Variants in NRG3 observed in about 807,000 individuals in gnomAD.
The protein encoded by NRG3 is pro-neuregulin-3, membrane-bound isoform.
Under a neutral mutation model 66.9 loss-of-function variants are expected in NRG3, and 31 were observed. The ratio of observed to expected loss-of-function variants is 0.46; its 90% CI spans 0.35 to 0.63. The LOEUF is 0.63. Ranked by LOEUF, NRG3 falls within the 20% of genes least tolerant of loss-of-function variation. The pLI is 0.00. For synonymous variants in NRG3, 393 were observed against 359.4 expected, an observed-to-expected ratio of 1.09 and a Z score of -1.06; for missense variants, 910 against 878.9, an observed-to-expected ratio of 1.04 and a Z score of -0.45.
At chr10:82,018,362 G>T (rs1003103436) in intron 1 of NRG3, among the ~76,000 whole-genome samples, 3 of 152,156 alleles carry the variant, frequency 2.0e-5, no homozygotes, top group African/African-American at 7.2e-5. Context: ...TTGAAGTCAG[G>T]TAGTGTGATG....
intron 2 of NRG3, among the ~76,000 whole-genome samples, chr10:82,481,161 T>C (rs1842234810): frequency 1.3e-5 from 2 of 152,234 alleles, no homozygotes; most frequent in South Asian, 4.1e-4. Context: ...CCAATTGGTG[T>C]CCTTACTATT....
rs1275750707 is a variant in NRG3 at position 82,534,265 on chromosome 10, TTG to T, written c.953+175399_953+175400del. On this transcript the variant is annotated intron_variant, in intron 2 of 8. Coordinates refer to ENST00000372141, the MANE Select transcript of NRG3 (RefSeq NM_001010848.4). The stretch of plus-strand genomic sequence containing the variant: ...TCTACCAGTAATAGAAAAATCCATT[TTG>T]TTTTTTTTTTTTGAGACAGAGTATC... Among the ~76,000 whole-genome samples, 165 of 151,658 alleles carry T rather than the reference TTG, an allele frequency of 1.1e-3. 1 individual carries two copies. The highest frequency in any genetic ancestry group is 3.6e-3 in the African/African-American group (151 of 41,398).
At chr10:82,623,297 C>T (rs988729495) in intron 2 of NRG3, among the ~76,000 whole-genome samples, 1 of 152,094 alleles carries the variant, frequency 6.6e-6, no homozygotes, top group African/African-American at 2.4e-5. Flanking sequence ...GGTCTCTGAG[C>T]CCCAGCCTGC....
chr10:82,687,960 C>T (rs956047061), intron 2 of NRG3, among the ~76,000 whole-genome samples: 3 of 152,190 alleles, frequency 2.0e-5, no homozygotes, highest in African/African-American at 7.2e-5. Flanking sequence ...GTTTCCTAAA[C>T]TAATCTTCAG....
intron 1 of NRG3, among the ~76,000 whole-genome samples, chr10:82,353,105 A>G (rs1189716612): frequency 1.3e-5 from 2 of 152,158 alleles, no homozygotes; most frequent in East Asian, 3.9e-4. Context: ...TCTGGCCTGG[A>G]CAATGGGATC....
At chr10:82,303,586 T>G (rs1423586039) in intron 1 of NRG3, among the ~76,000 whole-genome samples, 1 of 152,150 alleles carries the variant, frequency 6.6e-6, no homozygotes, top group Non-Finnish European at 1.5e-5. Flanking sequence ...GCTGGGTAAA[T>G]GTGCTGGGCA....
At chr10:82,018,767 A>ACT (rs779854776) in intron 1 of NRG3, among the ~76,000 whole-genome samples, 10,406 of 152,004 alleles carry the variant, frequency 0.068, 460 homozygotes, top group Non-Finnish European at 0.1. Flanking sequence ...AATGCTTGTG[A>ACT]TTTTTGCACA....
intron 2 of NRG3, among the ~76,000 whole-genome samples, chr10:82,476,542 G>A (rs1026650982): frequency 5.3e-5 from 8 of 152,096 alleles, no homozygotes; most frequent in East Asian, 1.9e-4. Context: ...AAGAAAATTC[G>A]AACACATGCT....
chr10:82,389,534 C>T (rs1317008), intron 2 of NRG3, among the ~76,000 whole-genome samples: 61,656 of 152,004 alleles, frequency 0.41, 15,302 homozygotes, highest in African/African-American at 0.7. Flanking sequence ...ATATTTTCAA[C>T]GGCCAGCTAG....
At chr10:82,980,212 A>G (rs373688260) in intron 8 of NRG3, among the ~76,000 whole-genome samples, 16 of 38,824 alleles carry the variant, frequency 4.1e-4, no homozygotes, top group African/African-American at 1.4e-3. Flanking sequence ...CTCAAAAAAG[A>G]AAAAAAAAAA....
intron 2 of NRG3, among the ~76,000 whole-genome samples, chr10:82,470,102 T>C (rs1381506036): frequency 6.6e-6 from 1 of 152,216 alleles, no homozygotes; most frequent in Non-Finnish European, 1.5e-5. Context: ...ATAACCTGTT[T>C]CTGAGATGCA....
At chr10:82,516,398 T>G (rs1207876215) in intron 2 of NRG3, among the ~76,000 whole-genome samples, 1 of 152,124 alleles carries the variant, frequency 6.6e-6, no homozygotes, top group Non-Finnish European at 1.5e-5. Flanking sequence ...ATGACCAGAC[T>G]TTGATGGTTG....
chr10:82,907,495 G>A (rs1213265001), intron 4 of NRG3, among the ~76,000 whole-genome samples: 1 of 152,126 alleles, frequency 6.6e-6, no homozygotes, highest in Non-Finnish European at 1.5e-5. Context: ...TGTTGATCCA[G>A]TCTGTCTGGA....
chr10:82,187,838 A>G (rs900125904), intron 1 of NRG3, among the ~76,000 whole-genome samples: 2 of 152,146 alleles, frequency 1.3e-5, no homozygotes, highest in African/African-American at 4.8e-5. Context: ...TATTTTGAAG[A>G]CTGACATCAT....
chr10:82,605,487 T>A (rs1461090965), intron 2 of NRG3, among the ~76,000 whole-genome samples: 1 of 152,018 alleles, frequency 6.6e-6, no homozygotes, highest in Non-Finnish European at 1.5e-5. Flanking sequence ...TTGCTAATAT[T>A]TTTGATAATT....
chr10:82,195,462 C>G (rs147662688), intron 1 of NRG3, among the ~76,000 whole-genome samples: 46 of 152,206 alleles, frequency 3.0e-4, no homozygotes, highest in African/African-American at 1.1e-3. Flanking sequence ...ACTCCACAGC[C>G]CAGGGATGAA....
At chr10:82,351,420 T>C (rs2083431806) in intron 1 of NRG3, among the ~76,000 whole-genome samples, 1 of 152,182 alleles carries the variant, frequency 6.6e-6, no homozygotes, top group Non-Finnish European at 1.5e-5. Context: ...AAACATGATG[T>C]CAGAAGAAGG....
intron 4 of NRG3, among the ~76,000 whole-genome samples, chr10:82,882,321 A>C (rs1200680594): frequency 1.3e-5 from 2 of 152,192 alleles, no homozygotes. Flanking sequence ...TGGAATTTCA[A>C]ATCCCATTGT....
At chr10:82,648,389 G>T in intron 2 of NRG3, among the ~76,000 whole-genome samples, 1 of 152,060 alleles carries the variant, frequency 6.6e-6, no homozygotes, top group Non-Finnish European at 1.5e-5. Flanking sequence ...CCAGTACCAT[G>T]CTGTTTTGGT....
Sources: gnomAD v4.1 joint callset for allele counts (sites outside exome capture counted in the v4.1 genomes callset) on GRCh38, gnomAD v4.1.1 for gene constraint, MANE v1.5 for transcripts, NCBI Gene and HGNC (gene_info 2026-07-23, HGNC 2026-07-21) for gene names.